NECAB1: variants seen among roughly 807,000 people sequenced by gnomAD.
The protein encoded by NECAB1 is N-terminal EF-hand calcium binding protein 1.
NECAB1 carries 29 observed loss-of-function variants against 57.5 expected under a neutral mutation model. The observed-to-expected ratio is 0.50, with a 90% confidence interval of 0.38 to 0.69. The LOEUF is 0.69. Ranked by LOEUF, NECAB1 falls within the 30% of genes least tolerant of loss-of-function variation. NECAB1 has a pLI of 0.00. For missense variants in NECAB1, 372 were observed against 413.8 expected (o/e 0.90, Z 0.88); for synonymous variants, 142 against 147.7 (o/e 0.96, Z 0.28).
chr8:90,811,393 T>C (rs1379286837), intron 2 of NECAB1, among the ~76,000 whole-genome samples: 1 of 152,170 alleles, frequency 6.6e-6, no homozygotes, highest in African/African-American at 2.4e-5. Flanking sequence ...AACACCCTAA[T>C]GCATTAGAGT....
chr8:90,881,180 A>C (rs1808829028), intron 5 of NECAB1, 50 bp downstream of exon 5: 2 of 1,322,240 alleles, frequency 1.5e-6, no homozygotes, highest in African/African-American at 3.0e-5. Context: ...TCTTTGAAAA[A>C]GATTTTTCTT....
intron 3 of NECAB1, 117 bp from the exon 4 acceptor site, chr8:90,872,011 C>A: frequency 1.3e-6 from 1 of 749,956 alleles, no homozygotes; most frequent in Non-Finnish European, 2.2e-6. Flanking sequence ...AATACCTTAA[C>A]TACATACCAT....
intron 5 of NECAB1, among the ~76,000 whole-genome samples, chr8:90,889,079 A>G (rs540692553): frequency 6.6e-6 from 1 of 152,162 alleles, no homozygotes; most frequent in Admixed American, 6.5e-5. Flanking sequence ...GCTGTGTATT[A>G]TTACTCTGTA....
intron 5 of NECAB1, among the ~76,000 whole-genome samples, chr8:90,892,693 G>A (rs1809215897): frequency 1.3e-5 from 2 of 152,316 alleles, no homozygotes; most frequent in South Asian, 2.1e-4. Context: ...ATGAGGCAGA[G>A]CCTCCTTGAC....
chr8:90,926,072 A>C (rs573680190), intron 7 of NECAB1, among the ~76,000 whole-genome samples: 2 of 152,352 alleles, frequency 1.3e-5, no homozygotes, highest in South Asian at 4.1e-4. Flanking sequence ...GATTAGTCAT[A>C]GCTGGTGTTT....
chr8:90,843,500 G>A (rs1246583021), intron 3 of NECAB1, among the ~76,000 whole-genome samples: 2 of 152,140 alleles, frequency 1.3e-5, no homozygotes, highest in Non-Finnish European at 2.9e-5. Flanking sequence ...CTTTAATATT[G>A]CTTAGCGTGT....
At chr8:90,852,657 G>A (rs1026563539) in intron 3 of NECAB1, among the ~76,000 whole-genome samples, 2 of 152,138 alleles carry the variant, frequency 1.3e-5, no homozygotes, top group African/African-American at 4.8e-5. Context: ...TGTTGGGCTG[G>A]ATATCAGAGA....
chr8:90,879,174 A>AT (rs1808790464), intron 4 of NECAB1, among the ~76,000 whole-genome samples: 1 of 143,616 alleles, frequency 7.0e-6, no homozygotes, highest in Admixed American at 7.1e-5. Context: ...TTTAGCAACA[A>AT]TTTTTTTGTT....
At chr8:90,800,527 A>G (rs960186232) in intron 1 of NECAB1, among the ~76,000 whole-genome samples, 1 of 152,188 alleles carries the variant, frequency 6.6e-6, no homozygotes, top group African/African-American at 2.4e-5. Context: ...AGTTTTTATC[A>G]TGAAGGAAGG....
intron 2 of NECAB1, among the ~76,000 whole-genome samples, chr8:90,824,322 C>A (rs1170955461): frequency 6.6e-6 from 1 of 151,786 alleles, no homozygotes; most frequent in Non-Finnish European, 1.5e-5. Flanking sequence ...CATATTTATC[C>A]TGCAATCTGC....
intron 9 of NECAB1, chr8:90,940,410 T>A (rs1452238405): frequency 5.9e-6 from 1 of 169,336 alleles, no homozygotes. Flanking sequence ...AGGGAAGTGA[T>A]CCCAGCTCTG....
At position 90,934,495 on chromosome 8, in the gene NECAB1, T is replaced by C. The variant is rs188803592; in HGVS notation, c.747+138T>C. On this transcript the variant is annotated intron_variant, in intron 9 of 12. Coordinates refer to ENST00000417640, the MANE Select transcript of NECAB1 (RefSeq NM_022351.5). ...TTCATTTTATAAGATTCAGTAGTGT[T>C]GTTTCTACATTGTGATTTGTGTAAA... 18 of 617,944 alleles carry C rather than the reference T, an allele frequency of 2.9e-5. 1 individual carries two copies. In the Admixed American group the frequency reaches 5.1e-4, roughly 17 times the overall value. The allele number at this position is 617,944 out of a possible 1,614,324, so 38.3% of individuals were successfully genotyped here.
rs1326662187 is a variant in NECAB1, at chr8:90,955,940, A to AT, written c.*433dup. Reference sequence around the variant, plus strand: ...TAAAGGGTTAAATCAGCGTTTTGTGATTTTTAAGTAACTGTGAGTGAAGTT... The same window carrying AT: ...TAAAGGGTTAAATCAGCGTTTTGTGATTTTTTAAGTAACTGTGAGTGAAGTT... On this transcript the variant is annotated 3_prime_UTR_variant, in exon 13 of 13. Transcript: ENST00000417640. The AT allele has an allele frequency of 6.5e-6, 1 of 153,748 alleles. No individual in the cohort carries two copies. 9.5% of individuals were successfully genotyped at this position (153,748 alleles called of 1,614,324 possible). A position where few individuals can be genotyped will look rare whatever the true frequency, so the allele number is the denominator to read the frequency against.
chr8:90,948,700 C>CT (rs1467351084), intron 10 of NECAB1, among the ~76,000 whole-genome samples: 2 of 152,172 alleles, frequency 1.3e-5, no homozygotes, highest in Non-Finnish European at 2.9e-5. Context: ...GTCTCCCACT[C>CT]TTAAGTTTAT....
chr8:90,923,373 C>T (rs971758093), intron 6 of NECAB1, among the ~76,000 whole-genome samples: 1 of 121,734 alleles, frequency 8.2e-6, no homozygotes, highest in African/African-American at 4.3e-5. Flanking sequence ...TCCCAGAGTA[C>T]TAACAACAGG....
intron 5 of NECAB1, among the ~76,000 whole-genome samples, chr8:90,896,150 C>T (rs912670068): frequency 6.6e-6 from 1 of 152,142 alleles, no homozygotes; most frequent in African/African-American, 2.4e-5. Context: ...CTTACTAAAA[C>T]CTCCCTTAGC....
intron 9 of NECAB1, among the ~76,000 whole-genome samples, chr8:90,938,353 CAACCATG>C (rs1810588710): frequency 6.6e-6 from 1 of 152,176 alleles, no homozygotes; most frequent in South Asian, 2.1e-4. Flanking sequence ...AAAGAATATT[CAACCATG>C]ACAGAGTGCT....
At chr8:90,832,062 C>A (rs1812306190) in intron 3 of NECAB1, among the ~76,000 whole-genome samples, 1 of 152,130 alleles carries the variant, frequency 6.6e-6, no homozygotes, top group Admixed American at 6.6e-5. Context: ...TTAGAACTAA[C>A]CTGTAGCCAT....
intron 11 of NECAB1, among the ~76,000 whole-genome samples, chr8:90,950,737 G>A (rs1233098119): frequency 6.6e-6 from 1 of 152,022 alleles, no homozygotes; most frequent in East Asian, 1.9e-4. Flanking sequence ...TCTGCTTCCA[G>A]GCCAACACTT....
Sources: gnomAD v4.1 joint callset for allele counts (sites outside exome capture counted in the v4.1 genomes callset) on GRCh38, gnomAD v4.1.1 for gene constraint, MANE v1.5 for transcripts, NCBI Gene and HGNC (gene_info 2026-07-23, HGNC 2026-07-21) for gene names.